KIAA1958: variants seen among roughly 807,000 people sequenced by gnomAD.
The protein encoded by KIAA1958 is KIAA1958.
In KIAA1958, 14 loss-of-function variants were observed where a neutral mutation model predicts 47.2. The observed-to-expected ratio is 0.30, with a 90% CI of 0.20 to 0.46. The LOEUF (loss-of-function observed/expected upper bound fraction) is 0.46, where lower values mean the gene tolerates loss of function less well. Ranked by LOEUF, KIAA1958 falls within the 20% of genes least tolerant of loss-of-function variation. The pLI, the probability that KIAA1958 is intolerant of heterozygous loss-of-function variation, is 1.00. For missense variants in KIAA1958, 803 were observed against 909.2 expected, an observed-to-expected ratio of 0.88 and a Z score of 1.50; for synonymous variants, 354 against 353.3, an observed-to-expected ratio of 1.00 and a Z score of -0.02.
rs775875630 is a variant in KIAA1958, at chr9:112,574,302, C to A, written c.222C>A (p.Phe74Leu). 2.5e-6 allele frequency: 4 copies of A among 1,613,968 alleles called. No individual in the cohort carries two copies. The highest frequency in any genetic ancestry group is 3.4e-6 in the Non-Finnish European group (4 of 1,179,870). The part of the protein sequence containing the change: ...CRAGSQERVC[F>L]QDNRSFNSDS... Reference sequence around the variant, plus strand: ...CTGGGTCCCAAGAGAGGGTCTGTTTCCAGGATAACAGAAGTTTTAACTCTG... The same window carrying A: ...CTGGGTCCCAAGAGAGGGTCTGTTTACAGGATAACAGAAGTTTTAACTCTG... Residue 74 changes from phenylalanine to leucine, a missense_variant, in exon 2 of 4, where the codon TTC (phenylalanine) becomes TTA (leucine). By Grantham distance (22) the Phe-to-Leu change is conservative (BLOSUM62 0). Around this residue, in one of 2 missense-constraint regions of KIAA1958, gnomAD observed 761 missense variants for 829.3 expected, o/e 0.92. Coordinates refer to ENST00000337530, the MANE Select transcript of KIAA1958 (RefSeq NM_133465.4).
chr9:112,638,044 G>A (rs1034599366), intron 2 of KIAA1958, among the ~76,000 whole-genome samples: 1 of 152,140 alleles, frequency 6.6e-6, no homozygotes, highest in African/African-American at 2.4e-5. Context: ...AGCTACTTGG[G>A]AGGCTGAGGC....
chr9:112,609,809 C>T (rs1836293677), intron 2 of KIAA1958, among the ~76,000 whole-genome samples: 1 of 152,130 alleles, frequency 6.6e-6, no homozygotes, highest in African/African-American at 2.4e-5. Context: ...CGCTCAGCCT[C>T]CCAAAGTGCT....
chr9:112,492,883 G>A (rs534566734), intron 1 of KIAA1958, among the ~76,000 whole-genome samples: 3 of 151,582 alleles, frequency 2.0e-5, no homozygotes, highest in African/African-American at 7.3e-5. Flanking sequence ...CTGAGTAGCT[G>A]GGATCACAGG....
chr9:112,609,832 T>G (rs1222236098), intron 2 of KIAA1958, among the ~76,000 whole-genome samples: 9 of 152,126 alleles, frequency 5.9e-5, no homozygotes. Context: ...GATTACAAGC[T>G]TGAACCTCCA....
chr9:112,517,988 G>A lies in KIAA1958; in HGVS notation c.-25+30870G>A, dbSNP rs144116000. Among the ~76,000 whole-genome samples the A allele has an allele frequency of 2.8e-4, 42 of 152,288 alleles. 1 individual carries two copies. The highest frequency in any genetic ancestry group is 5.2e-4 in the Admixed American group (8 of 15,304). On this transcript the variant is annotated intron_variant, in intron 1 of 3. Transcript: ENST00000337530. ...AATGTAAAATGGTACAGCTACTTTG[G>A]CAAACAATTTTTGCCCTTTCAAAAA...
At chr9:112,607,948 A>G (rs1836265562) in intron 2 of KIAA1958, among the ~76,000 whole-genome samples, 1 of 152,188 alleles carries the variant, frequency 6.6e-6, no homozygotes, top group South Asian at 2.1e-4. Flanking sequence ...TAAAAGCAAT[A>G]AAAGTGTAAA....
Position 112,557,125 on chromosome 9 carries a change from A to ATT in KIAA1958, c.-24-16928_-24-16927dup, listed in dbSNP as rs1385204578. Among the ~76,000 whole-genome samples the ATT allele has an allele frequency of 3.3e-5, 5 of 151,408 alleles. No individual in the cohort carries two copies. The East Asian group carries it at 9.7e-4, about 29-fold the overall frequency. On this transcript the variant is annotated intron_variant, in intron 1 of 3. Coordinates refer to ENST00000337530, the MANE Select transcript of KIAA1958 (RefSeq NM_133465.4). Reference sequence around the variant, plus strand: ...CGGCACGTACCACCACACAAGGCTAATTTTTCCAGTCTTTTGTAGAGACAG... The same window carrying ATT: ...CGGCACGTACCACCACACAAGGCTAATTTTTTTCCAGTCTTTTGTAGAGACAG...
intron 1 of KIAA1958, among the ~76,000 whole-genome samples, chr9:112,547,266 T>C (rs1471571884): frequency 6.6e-6 from 1 of 150,444 alleles, no homozygotes; most frequent in Non-Finnish European, 1.5e-5. Flanking sequence ...TGGTCCCAGC[T>C]ACTCAGGAGG....
chr9:112,645,667 A>C lies in KIAA1958; in HGVS notation c.1189A>C (p.Asn397His). ...QCIPAYSTKL[N>H]KFPVFNINDD... is the part of the protein sequence containing the mutation. ...ATTTCTAGCTTATTCCACTAAGCTC[A>C]ACAAATTTCCTGTATTTAATATTAA... The change falls in exon 3 of 4, where the codon AAC (asparagine) becomes CAC (histidine). Residue 397 changes from asparagine (N) to histidine (H), a missense_variant. Coordinates refer to ENST00000337530, the MANE Select transcript of KIAA1958 (RefSeq NM_133465.4). 1 of 1,606,314 alleles carries C rather than the reference A, an allele frequency of 6.2e-7. No individual in the cohort carries two copies. Among genetic ancestry groups the C allele is most frequent in the South Asian group, 1.1e-5 (1 of 89,378 alleles).
At chr9:112,487,610 G>A (rs187514458) in intron 1 of KIAA1958, among the ~76,000 whole-genome samples, 268 of 152,326 alleles carry the variant, frequency 1.8e-3, no homozygotes, top group Non-Finnish European at 3.1e-3. Flanking sequence ...CTCCTCGGGT[G>A]GCTCGCCGAG....
intron 1 of KIAA1958, among the ~76,000 whole-genome samples, chr9:112,503,608 C>A (rs1338133004): frequency 6.2e-5 from 8 of 129,674 alleles, no homozygotes; most frequent in Non-Finnish European, 9.8e-5. Context: ...CAGAGCGAGA[C>A]CCTGTCTCAA....
At chr9:112,499,850 G>A (rs921253511) in intron 1 of KIAA1958, among the ~76,000 whole-genome samples, 4 of 150,770 alleles carry the variant, frequency 2.7e-5, no homozygotes, top group East Asian at 2.0e-4. Context: ...CACCACGCCC[G>A]GCTAATTTTT....
chr9:112,513,522 G>A (rs1452529097), intron 1 of KIAA1958, among the ~76,000 whole-genome samples: 1 of 95,796 alleles, frequency 1.0e-5, no homozygotes, highest in Non-Finnish European at 2.1e-5. Context: ...GCTGCGGCCC[G>A]GGGCAGTGCG....
intron 1 of KIAA1958, among the ~76,000 whole-genome samples, chr9:112,500,810 T>C (rs1355414724): frequency 6.6e-6 from 1 of 152,046 alleles, no homozygotes; most frequent in Non-Finnish European, 1.5e-5. Context: ...GGTTTGGCCA[T>C]GTGAAAGTTT....
chr9:112,505,979 A>G (rs1426145869), intron 1 of KIAA1958, among the ~76,000 whole-genome samples: 1 of 152,244 alleles, frequency 6.6e-6, no homozygotes, highest in Non-Finnish European at 1.5e-5. Flanking sequence ...ACCAAATTCT[A>G]GCATTTGAGT....
intron 2 of KIAA1958, among the ~76,000 whole-genome samples, chr9:112,610,733 G>A (rs1403046134): frequency 6.6e-6 from 1 of 152,134 alleles, no homozygotes; most frequent in African/African-American, 2.4e-5. Context: ...TTCAAGTATA[G>A]TTAATACTTT....
At chr9:112,514,803 T>TG (rs1834387245) in intron 1 of KIAA1958, among the ~76,000 whole-genome samples, 6 of 29,860 alleles carry the variant, frequency 2.0e-4, no homozygotes, top group African/African-American at 2.2e-4. Context: ...GGGAGGGAGG[T>TG]GGGGGGGTCA....
chr9:112,501,698 T>C (rs1002477162), intron 1 of KIAA1958, among the ~76,000 whole-genome samples: 4 of 152,206 alleles, frequency 2.6e-5, no homozygotes, highest in African/African-American at 9.6e-5. Flanking sequence ...CACAGCAGAC[T>C]GCACAGAAGA....
chr9:112,587,811 C>T (rs956888325), intron 2 of KIAA1958, among the ~76,000 whole-genome samples: 7 of 152,134 alleles, frequency 4.6e-5, no homozygotes, highest in African/African-American at 1.7e-4. Context: ...GCCAGCTCTT[C>T]AAAGGAAACT....
Sources: allele counts gnomAD v4.1 joint callset (sites outside exome capture counted in the v4.1 genomes callset), GRCh38; gene constraint gnomAD v4.1.1; regional missense constraint gnomAD v4.1.1; transcripts MANE v1.5; gene names NCBI Gene and HGNC (gene_info 2026-07-23, HGNC 2026-07-21).